Variants in ZSWIM6 observed in about 807,000 individuals in gnomAD.
The protein encoded by ZSWIM6 is zinc finger SWIM domain-containing protein 6.
In ZSWIM6, 9 loss-of-function variants were observed where a neutral mutation model predicts 113.2. The observed-to-expected ratio is 0.08, with a 90% CI of 0.05 to 0.14. ZSWIM6 has a LOEUF of 0.14. Ranked by LOEUF, ZSWIM6 falls within the 10% of genes least tolerant of loss-of-function variation. The pLI, the probability that ZSWIM6 is intolerant of heterozygous loss-of-function variation, is 1.00. For synonymous variants in ZSWIM6, 611 were observed against 606.5 expected (o/e 1.01, Z -0.11); for missense variants, 1,162 against 1,552.2 (o/e 0.75, Z 4.22).
chr5:61,510,562 G>A (rs1332256263), intron 4 of ZSWIM6, among the ~76,000 whole-genome samples: 1 of 150,012 alleles, frequency 6.7e-6, no homozygotes, highest in Non-Finnish European at 1.5e-5. Context: ...TGCCTTATAT[G>A]TTACAGTGCC....
chr5:61,369,002 G>A (rs1745213329), intron 1 of ZSWIM6, among the ~76,000 whole-genome samples: 1 of 152,218 alleles, frequency 6.6e-6, no homozygotes, highest in East Asian at 1.9e-4. Flanking sequence ...GGAGCATGTT[G>A]AAAGATACAA....
At chr5:61,393,735 CAA>C (rs5868274) in intron 1 of ZSWIM6, among the ~76,000 whole-genome samples, 3,259 of 139,614 alleles carry the variant, frequency 0.023, 32 homozygotes, top group Non-Finnish European at 0.029. Flanking sequence ...GAAACTATCT[CAA>C]AAAAAAAAAA....
At chr5:61,442,079 A>C (rs1005577685) in intron 1 of ZSWIM6, among the ~76,000 whole-genome samples, 21 of 152,146 alleles carry the variant, frequency 1.4e-4, no homozygotes, top group Admixed American at 1.4e-3. Flanking sequence ...GTTGGTCAAC[A>C]GAAAGCAGGT....
chr5:61,452,229 A>G (rs1561243098), intron 1 of ZSWIM6, among the ~76,000 whole-genome samples: 1 of 152,120 alleles, frequency 6.6e-6, no homozygotes, highest in East Asian at 1.9e-4. Flanking sequence ...TAAAAATACT[A>G]TATTCTGAGA....
At chr5:61,427,701 G>A (rs552160216) in intron 1 of ZSWIM6, among the ~76,000 whole-genome samples, 96 of 151,688 alleles carry the variant, frequency 6.3e-4, no homozygotes, top group African/African-American at 2.2e-3. Context: ...GGGTGGTCTC[G>A]AACTCCCGGG....
intron 1 of ZSWIM6, among the ~76,000 whole-genome samples, chr5:61,400,383 T>C (rs1354770066): frequency 6.6e-6 from 1 of 152,208 alleles, no homozygotes; most frequent in Non-Finnish European, 1.5e-5. Flanking sequence ...CAGTTTTTCA[T>C]TGCCACTTTA....
chr5:61,419,369 G>A (rs1391331964), intron 1 of ZSWIM6, among the ~76,000 whole-genome samples: 3 of 152,114 alleles, frequency 2.0e-5, no homozygotes, highest in Admixed American at 2.0e-4. Flanking sequence ...CAGTTCTCAT[G>A]AACCACTGAG....
intron 8 of ZSWIM6, among the ~76,000 whole-genome samples, chr5:61,530,807 A>G (rs950139964): frequency 4.6e-5 from 7 of 152,228 alleles, no homozygotes; most frequent in African/African-American, 1.7e-4. Context: ...GATGAGCTCA[A>G]GTCTTGCCCC....
At position 61,356,694 on chromosome 5, in the gene ZSWIM6, C is replaced by T. The variant is rs1016057389; in HGVS notation, c.676+23746C>T. ...TATATATAACATAATATATAATATA[C>T]ATATTTTATATATATAATATATATA... On this transcript the variant is annotated intron_variant, in intron 1 of 13. Coordinates refer to ENST00000252744, the MANE Select transcript of ZSWIM6 (RefSeq NM_020928.2). 9.2e-3 allele frequency among the ~76,000 whole-genome samples: 1,211 copies of T among 131,172 alleles called. 20 individuals are homozygous for T. The highest frequency in any genetic ancestry group is 0.013 in the Non-Finnish European group (850 of 63,496). 86.1% of individuals were successfully genotyped at this position (131,172 alleles called of 152,430 possible). A position where few individuals can be genotyped will look rare whatever the true frequency, so the allele number is the denominator to read the frequency against.
At chr5:61,356,885 A>T (rs1015948952) in intron 1 of ZSWIM6, among the ~76,000 whole-genome samples, 12 of 148,930 alleles carry the variant, frequency 8.1e-5, no homozygotes, top group African/African-American at 2.2e-4. Flanking sequence ...AAGACAGAAG[A>T]AGTATGGGTT....
intron 1 of ZSWIM6, among the ~76,000 whole-genome samples, chr5:61,373,325 G>A (rs1049879651): frequency 2.0e-5 from 3 of 150,358 alleles, no homozygotes; most frequent in African/African-American, 7.4e-5. Context: ...TTTGGAGGGG[G>A]AATATTAGAA....
rs560491148 is a variant in ZSWIM6 at position 61,507,674 on chromosome 5, T to C, written c.1333+13264T>C. 1.4e-4 allele frequency among the ~76,000 whole-genome samples: 22 copies of C among 152,330 alleles called. 1 individual carries two copies. The South Asian group carries it at 4.6e-3, about 32-fold the overall frequency. ...TTTGTTAATTTAAGCTATTTGTAGATGGACCTGTGTAAGTTTTTGTTGGAT... is the reference window on the plus strand; with the variant it reads ...TTTGTTAATTTAAGCTATTTGTAGACGGACCTGTGTAAGTTTTTGTTGGAT... On this transcript the variant is annotated intron_variant, in intron 4 of 13. Coordinates refer to ENST00000252744, the MANE Select transcript of ZSWIM6 (RefSeq NM_020928.2).
At chr5:61,340,886 A>G (rs1744529742) in intron 1 of ZSWIM6, among the ~76,000 whole-genome samples, 5 of 152,254 alleles carry the variant, frequency 3.3e-5, no homozygotes, top group Non-Finnish European at 7.3e-5. Flanking sequence ...TAGCATGCTC[A>G]GTTCATGCTA....
chr5:61,532,371 T>A, intron 9 of ZSWIM6, among the ~76,000 whole-genome samples: 1 of 152,216 alleles, frequency 6.6e-6, no homozygotes, highest in East Asian at 1.9e-4. Context: ...TTTTTCAGAT[T>A]TTTTCCCCTC....
At chr5:61,379,981 T>C (rs566317082) in intron 1 of ZSWIM6, among the ~76,000 whole-genome samples, 1 of 152,306 alleles carries the variant, frequency 6.6e-6, no homozygotes, top group African/African-American at 2.4e-5. Context: ...TTGTGTGATA[T>C]TTAAGGTGAG....
chr5:61,508,345 G>A (rs1748683385), intron 4 of ZSWIM6, among the ~76,000 whole-genome samples: 1 of 152,116 alleles, frequency 6.6e-6, no homozygotes, highest in Non-Finnish European at 1.5e-5. Context: ...GATTTTCTTT[G>A]AAGTGATAAA....
At chr5:61,536,617 A>T (rs1749580097) in intron 10 of ZSWIM6, among the ~76,000 whole-genome samples, 1 of 152,194 alleles carries the variant, frequency 6.6e-6, no homozygotes. Context: ...CCTTGCCTAT[A>T]AATTACCAGT....
intron 11 of ZSWIM6, 93 bp from the exon 12 acceptor site, chr5:61,539,503 C>A: frequency 1.5e-6 from 2 of 1,356,598 alleles, no homozygotes; most frequent in Non-Finnish European, 2.0e-6. Flanking sequence ...TTTTCCCCCT[C>A]TGTGTGTGTG....
chr5:61,334,226 A>G (rs1744337697), intron 1 of ZSWIM6, among the ~76,000 whole-genome samples: 1 of 152,102 alleles, frequency 6.6e-6, no homozygotes, highest in Non-Finnish European at 1.5e-5. Context: ...CCCCTCCCCT[A>G]AAATGTTCTT....
Sources: allele counts gnomAD v4.1 joint callset (sites outside exome capture counted in the v4.1 genomes callset), GRCh38; gene constraint gnomAD v4.1.1; transcripts MANE v1.5; gene names NCBI Gene and HGNC (gene_info 2026-07-23, HGNC 2026-07-21).